MED25: variants seen among roughly 807,000 people sequenced by gnomAD.
MED25 encodes the protein mediator complex subunit 25.
A neutral mutation model predicts 89.4 loss-of-function variants in MED25; 62 were observed. The ratio of observed to expected loss-of-function variants is 0.69; its 90% confidence interval spans 0.57 to 0.86. The LOEUF is 0.86. MED25 is among the 40% of genes least tolerant of loss of function. The pLI is 0.00. For synonymous variants in MED25, 449 were observed against 427.9 expected, an observed-to-expected ratio of 1.05 and a Z score of -0.61; for missense variants, 905 against 1,005.2, an observed-to-expected ratio of 0.90 and a Z score of 1.35.
rs1036590547 is a variant in MED25, at chr19:49,832,092, G to A, written c.1317-8G>A. ...CCCTCCTCACACCTCTCCTGGCATC[G>A]CCCCCAGGAAGACGGAGCAGTGGCC... On this transcript the variant is annotated splice_polypyrimidine_tract_variant and splice_region_variant and intron_variant, in intron 11 of 17. Coordinates refer to ENST00000312865, the MANE Select transcript of MED25 (RefSeq NM_030973.4). 131 of 1,613,574 alleles carry A rather than the reference G, an allele frequency of 8.1e-5. 1 individual carries two copies. Among genetic ancestry groups the A allele is most frequent in the Non-Finnish European group, 1.0e-4 (123 of 1,180,010 alleles).
At chr19:49,837,036 G>A, downstream of MED25, 1 of 1,029,206 alleles carries the variant, frequency 9.7e-7, no homozygotes, top group Non-Finnish European at 1.5e-6. Flanking sequence ...AACCCCAGGG[G>A]GCATCTCTGT....
At position 49,819,309 on chromosome 19, in the gene MED25, C is replaced by T. The variant is rs1041647717; in HGVS notation, c.305+13C>T. ...TCGATGGCATTAAGTGAGCTTTCCC[C>T]CACTTGGGGTGGGTTGCTGGTCCCT... On this transcript the variant is annotated intron_variant, in intron 3 of 17. Coordinates refer to ENST00000312865, the MANE Select transcript of MED25 (RefSeq NM_030973.4). 5 of 1,420,444 alleles carry T rather than the reference C, an allele frequency of 3.5e-6. No homozygotes were observed. The African/African-American group carries it at 1.1e-4, about 32-fold the overall frequency. The allele number at this position is 1,420,444 out of a possible 1,614,324, so 88.0% of individuals were successfully genotyped here.
intron 3 of MED25, among the ~76,000 whole-genome samples, chr19:49,821,847 G>A (rs187708729): frequency 1.3e-5 from 2 of 149,184 alleles, no homozygotes; most frequent in African/African-American, 2.5e-5. Flanking sequence ...ATTTTGTAGT[G>A]GCGGGGCACG....
chr19:49,836,037 C>A lies in MED25; in HGVS notation c.1965+92C>A. On this transcript the variant is annotated intron_variant, in intron 16 of 17. Coordinates refer to ENST00000312865, the MANE Select transcript of MED25 (RefSeq NM_030973.4). The surrounding 1 kb of genome is among the most constrained non-coding windows in gnomAD (Gnocchi z 5.1). ...TGGGAGGAGGGAGGTTGACTGTGGT[C>A]AGTGGGTGTGAATGGGGACCCGCCC... The A allele has an allele frequency of 6.4e-7, 1 of 1,562,336 alleles. No individual in the cohort carries two copies. Among genetic ancestry groups the A allele is most frequent in the Non-Finnish European group, 8.7e-7 (1 of 1,155,296 alleles).
intron 1 of MED25, 40 bp downstream of exon 1, chr19:49,818,515 T>G (rs1172166767): frequency 1.2e-6 from 2 of 1,614,056 alleles, no homozygotes; most frequent in Non-Finnish European, 1.7e-6. Context: ...GCCCTCCCAC[T>G]TCAGTTTCGC....
rs896391750 is a variant in MED25 at position 49,834,981 on chromosome 19, C to T, written c.1483-5C>T. On this transcript the variant is annotated splice_region_variant and splice_polypyrimidine_tract_variant and intron_variant, in intron 13 of 17. Coordinates refer to ENST00000312865, the MANE Select transcript of MED25 (RefSeq NM_030973.4). The surrounding 1 kb of genome is among the most constrained non-coding windows in gnomAD (Gnocchi z 4.1). ...AATGGTTCTGAAGAGCTGTTGTCCA[C>T]CCAGGCGGGCTGCGTGCACTTCCCC... The T allele has an allele frequency of 3.7e-6, 6 of 1,613,776 alleles. No individual in the cohort carries two copies. Among genetic ancestry groups the T allele is most frequent in the Admixed American group, 1.7e-5 (1 of 59,998 alleles).
At chr19:49,838,887 C>G, downstream of MED25, 1 of 393,346 alleles carries the variant, frequency 2.5e-6, no homozygotes, top group South Asian at 1.9e-5. Flanking sequence ...TCCGGAATCA[C>G]GTGAGAAGAA....
At chr19:49,826,606 C>T (rs143232372) in intron 3 of MED25, among the ~76,000 whole-genome samples, 1,553 of 152,302 alleles carry the variant, frequency 0.01, 10 homozygotes, top group Non-Finnish European at 0.017. Context: ...GGTCAGACGC[C>T]TTGGTGTCTC....
Position 49,828,966 on chromosome 19 carries a change from G to A in MED25, c.405-4G>A. ...GGCTCCATGTCTTCTCTCTTTCCTG[G>A]TAGTGGCCAGACGCACCGGGTCTGC... On this transcript the variant is annotated splice_polypyrimidine_tract_variant and splice_region_variant and intron_variant, in intron 4 of 17. Transcript: ENST00000312865. 6.2e-7 allele frequency: 1 copy of A among 1,613,992 alleles called. No homozygotes were observed. The highest frequency in any genetic ancestry group is 8.5e-7 in the Non-Finnish European group (1 of 1,180,004).
At chr19:49,818,921 C>T (rs1413383571) in intron 2 of MED25, 1 of 588,596 alleles carries the variant, frequency 1.7e-6, no homozygotes, top group African/African-American at 1.9e-5. Context: ...GGAGCTGAGG[C>T]CTGGATTCCT....
In MED25 at chr19:49,821,903, C is replaced by T. The variant is rs1202857157; in HGVS notation, c.305+2607C>T. Among the ~76,000 whole-genome samples, 91 of 145,068 alleles carry T rather than the reference C, an allele frequency of 6.3e-4. 3 individuals carry two copies. Among genetic ancestry groups the T allele is most frequent in the African/African-American group, 2.1e-3 (82 of 38,428 alleles). ...CAGCACTTTGGGAGGCCAAGGCGGG[C>T]GAATCACCTGAGGTCAGGAGTTCGA... On this transcript the variant is annotated intron_variant, in intron 3 of 17. Coordinates refer to ENST00000312865, the MANE Select transcript of MED25 (RefSeq NM_030973.4).
At position 49,832,173 on chromosome 19, in the gene MED25, G is replaced by A; in HGVS notation, c.1374+16G>A. On this transcript the variant is annotated intron_variant, in intron 12 of 17. Coordinates refer to ENST00000312865, the MANE Select transcript of MED25 (RefSeq NM_030973.4). ...GCAGCTGCTGGTGAGTGGCGGTGGAGGGCCAGCCCTGCTGCCGGGCAGTCC... is the reference window on the plus strand; with the variant it reads ...GCAGCTGCTGGTGAGTGGCGGTGGAAGGCCAGCCCTGCTGCCGGGCAGTCC... 1.2e-6 allele frequency: 2 copies of A among 1,611,280 alleles called. No individual in the cohort carries two copies. Among genetic ancestry groups the A allele is most frequent in the Non-Finnish European group, 1.7e-6 (2 of 1,179,648 alleles).
rs1314456819 is a variant in MED25 at position 49,832,435 on chromosome 19, G to A, written c.1482+20G>A. On this transcript the variant is annotated intron_variant, in intron 13 of 17. Transcript: ENST00000312865. ...GGCTTCGTGAGTCCAGGGCATGGGG[G>A]GCCGAGGGGTGTTGACTCTTGTCCT... is the stretch of plus-strand genomic sequence containing the variant. The A allele has an allele frequency of 3.6e-6, 5 of 1,380,784 alleles. No individual in the cohort carries two copies. Among genetic ancestry groups the A allele is most frequent in the Non-Finnish European group, 5.1e-6 (5 of 973,366 alleles). The allele number at this position is 1,380,784 out of a possible 1,614,324, so 85.5% of individuals were successfully genotyped here. A position where few individuals can be genotyped will look rare whatever the true frequency, so the allele number is the denominator to read the frequency against.
chr19:49,818,932 G>C, intron 2 of MED25: 1 of 564,254 alleles, frequency 1.8e-6, no homozygotes, highest in East Asian at 3.2e-5. Flanking sequence ...CTGGATTCCT[G>C]GGTCTGAGGG....
intron 13 of MED25, among the ~76,000 whole-genome samples, chr19:49,832,662 G>A (rs138479098): frequency 2.6e-5 from 4 of 152,314 alleles, no homozygotes; most frequent in African/African-American, 4.8e-5. Flanking sequence ...CAGTTAGGAG[G>A]AAGCTGTTGA....
Position 49,831,806 on chromosome 19 carries a change from G to A in MED25, c.1231-130G>A, listed in dbSNP as rs1036309383. ...CTGAAGGCTTGCTGGTCTGGAGGAG[G>A]GGCCTGGGGCTCATGGGACTTAAAC... On this transcript the variant is annotated intron_variant, in intron 10 of 17. Transcript: ENST00000312865. The surrounding 1 kb of genome is among the most constrained non-coding windows in gnomAD (Gnocchi z 5.0). 1 of 850,658 alleles carries A rather than the reference G, an allele frequency of 1.2e-6. No individual in the cohort carries two copies. The highest frequency in any genetic ancestry group is 2.0e-6 in the Non-Finnish European group (1 of 505,156). 52.7% of individuals were successfully genotyped at this position (850,658 alleles called of 1,614,324 possible).
chr19:49,818,310 C>T lies in MED25; in HGVS notation c.-32C>T. ...GCTCATTCCGCGGCGTCGGCTGCGG[C>T]TGCAGTGGTGGTGGCGGGTACCGCA... On this transcript the variant is annotated 5_prime_UTR_variant, in exon 1 of 18. Coordinates refer to ENST00000312865, the MANE Select transcript of MED25 (RefSeq NM_030973.4). 4 of 1,564,902 alleles carry T rather than the reference C, an allele frequency of 2.6e-6. No homozygotes were observed. The highest frequency in any genetic ancestry group is 3.5e-6 in the Non-Finnish European group (4 of 1,154,322).
intron 3 of MED25, among the ~76,000 whole-genome samples, chr19:49,821,211 T>C (rs973468760): frequency 1.3e-5 from 2 of 152,174 alleles, no homozygotes; most frequent in African/African-American, 4.8e-5. Flanking sequence ...ACAGGGCTGG[T>C]TGACTGTCTA....
intron 13 of MED25, chr19:49,833,592 G>T (rs751476462): frequency 6.6e-6 from 1 of 152,234 alleles, no homozygotes; most frequent in Non-Finnish European, 1.5e-5. Context: ...TGCAAATCAC[G>T]TAGTTTCCCA....
Sources: allele counts gnomAD v4.1 joint callset (sites outside exome capture counted in the v4.1 genomes callset), GRCh38; gene constraint gnomAD v4.1.1; non-coding constraint Gnocchi (gnomAD v3.1); transcripts MANE v1.5; gene names NCBI Gene and HGNC (gene_info 2026-07-23, HGNC 2026-07-21).